NEDD4L: variants seen among roughly 807,000 people sequenced by gnomAD.
The protein encoded by NEDD4L is NEDD4 like E3 ubiquitin protein ligase, also known as E3 ubiquitin-protein ligase NEDD4-like.
In NEDD4L, 54 loss-of-function variants were observed where a neutral mutation model predicts 148.9. That is an observed-to-expected ratio of 0.36 (90% CI 0.29 to 0.45). The LOEUF (loss-of-function observed/expected upper bound fraction) is 0.45. NEDD4L is among the 20% of genes least tolerant of loss of function. The pLI is 1.00. For synonymous variants in NEDD4L, 433 were observed against 440.7 expected (o/e 0.98, Z 0.22); for missense variants, 856 against 1,233.8 (o/e 0.69, Z 4.59).
chr18:58,225,068 G>GA (rs1031517760), intron 2 of NEDD4L, among the ~76,000 whole-genome samples: 5 of 151,348 alleles, frequency 3.3e-5, no homozygotes, highest in African/African-American at 9.7e-5. Context: ...TCTGTGTCTG[G>GA]AAAAAAAAGT....
In NEDD4L at chr18:58,374,883, C is replaced by G. The variant is rs146848545; in HGVS notation, c.2352+1614C>G. Among the ~76,000 whole-genome samples the G allele has an allele frequency of 3.1e-3, 478 of 152,216 alleles. 5 individuals are homozygous for G. Among genetic ancestry groups the G allele is most frequent in the African/African-American group, 0.011 (455 of 41,540 alleles). On this transcript the variant is annotated intron_variant, in intron 24 of 30. Transcript: ENST00000400345. The stretch of plus-strand genomic sequence containing the variant: ...GGATTTCCTCATCCTACCTGTGGCT[C>G]CGGCTGCACCCATCTCCGCTCACCA...
At chr18:58,373,148 AT>A in intron 23 of NEDD4L, 25 bp from the exon 24 acceptor site, 6 of 1,353,494 alleles carry the variant, frequency 4.4e-6, no homozygotes, top group Non-Finnish European at 5.2e-6. Context: ...AAAATGCTGA[AT>A]TTTCACTCCT....
chr18:58,095,259 G>A (rs886561986), intron 1 of NEDD4L, among the ~76,000 whole-genome samples: 4 of 152,234 alleles, frequency 2.6e-5, no homozygotes, highest in East Asian at 1.9e-4. Context: ...CATGGAGGCA[G>A]GCAAAGAGGG....
At chr18:58,082,102 A>ATATATATATATT in intron 1 of NEDD4L, among the ~76,000 whole-genome samples, 8 of 48,822 alleles carry the variant, frequency 1.6e-4, no homozygotes, top group African/African-American at 8.9e-4. Flanking sequence ...ATATATATAT[A>ATATATATATATT]TTTTTTTTTT....
chr18:58,324,775 A>G (rs2144386143), intron 8 of NEDD4L, among the ~76,000 whole-genome samples: 1 of 152,342 alleles, frequency 6.6e-6, no homozygotes, highest in East Asian at 1.9e-4. Context: ...AGCACAATTA[A>G]TTGGCCATTA....
At chr18:58,250,370 ACT>A (rs1568476085) in intron 4 of NEDD4L, among the ~76,000 whole-genome samples, 7 of 151,990 alleles carry the variant, frequency 4.6e-5, no homozygotes, top group Non-Finnish European at 8.8e-5. Flanking sequence ...GGCTGGTCTC[ACT>A]CTCCTGACCT....
At chr18:58,220,037 CTTAAAT>C (rs1347595545) in intron 2 of NEDD4L, among the ~76,000 whole-genome samples, 1 of 152,166 alleles carries the variant, frequency 6.6e-6, no homozygotes, top group African/African-American at 2.4e-5. Flanking sequence ...AAATCTTGTT[CTTAAAT>C]TTAGTCTATT....
chr18:58,234,054 T>C (rs2920495), intron 2 of NEDD4L, among the ~76,000 whole-genome samples: 19,382 of 83,092 alleles, frequency 0.23, 1,692 homozygotes, highest in Middle Eastern at 0.3. Flanking sequence ...CTTTTCTTTC[T>C]TTCTTTCTTT....
intron 18 of NEDD4L, 140 bp from the exon 19 acceptor site, chr18:58,357,054 C>G: frequency 1.4e-6 from 1 of 716,364 alleles, no homozygotes; most frequent in Non-Finnish European, 2.3e-6. Flanking sequence ...CTCTGAAATA[C>G]TAATTTGTCT....
intron 5 of NEDD4L, among the ~76,000 whole-genome samples, chr18:58,315,181 G>T (rs541844270): frequency 1.3e-5 from 2 of 152,178 alleles, no homozygotes; most frequent in African/African-American, 4.8e-5. Context: ...TTGCTTCTCG[G>T]GTCATCTAAA....
chr18:58,164,305 A>G (rs1320913654), intron 1 of NEDD4L, among the ~76,000 whole-genome samples: 1 of 152,148 alleles, frequency 6.6e-6, no homozygotes, highest in African/African-American at 2.4e-5. Flanking sequence ...ATCATGCATG[A>G]TTGAGTTTTG....
At chr18:58,249,026 T>G in intron 4 of NEDD4L, 89 bp downstream of exon 4, 1 of 651,518 alleles carries the variant, frequency 1.5e-6, no homozygotes, top group Non-Finnish European at 2.5e-6. Context: ...AGCTCTTAAA[T>G]TTTTAATGAG....
intron 18 of NEDD4L, among the ~76,000 whole-genome samples, chr18:58,352,989 A>G (rs2044111697): frequency 1.3e-5 from 2 of 152,238 alleles, no homozygotes; most frequent in Non-Finnish European, 2.9e-5. Context: ...TCATAGACCT[A>G]GTATGATACA....
intron 5 of NEDD4L, among the ~76,000 whole-genome samples, chr18:58,262,275 C>T (rs1298407974): frequency 2.0e-5 from 3 of 152,198 alleles, no homozygotes; most frequent in Admixed American, 1.3e-4. Flanking sequence ...AAATAATCTT[C>T]GTTCACCACA....
At position 58,341,137 on chromosome 18, in the gene NEDD4L, C is replaced by A. The variant is rs1035342222; in HGVS notation, c.1225C>A (p.Arg409=). The A allele has an allele frequency of 6.2e-7, 1 of 1,612,722 alleles. No homozygotes were observed. Among genetic ancestry groups the A allele is most frequent in the Non-Finnish European group, 8.5e-7 (1 of 1,179,468 alleles). The change falls in exon 14 of 31, where the codon CGA becomes AGA. Residue 409 remains arginine (R), a synonymous_variant. Transcript: ENST00000400345. The part of the protein sequence containing the change: ...GRTYYVNHNN[R]TTTWTRPIMQ... ...CACATACTATGTCAATCATAACAAT[C>A]GAACCACAACTTGGACTCGACCTAT...
At chr18:58,246,391 A>G (rs1400796558) in intron 3 of NEDD4L, among the ~76,000 whole-genome samples, 1 of 152,230 alleles carries the variant, frequency 6.6e-6, no homozygotes, top group Admixed American at 6.5e-5. Flanking sequence ...ACATGTATGT[A>G]TATATCTTAT....
chr18:58,357,401 C>A, intron 19 of NEDD4L, 149 bp downstream of exon 19: 1 of 784,088 alleles, frequency 1.3e-6, no homozygotes, highest in Non-Finnish European at 2.3e-6. Flanking sequence ...CATCTCCTTA[C>A]TGAAGTTTCC....
intron 19 of NEDD4L, among the ~76,000 whole-genome samples, chr18:58,363,646 C>G (rs2045769902): frequency 6.6e-6 from 1 of 152,194 alleles, no homozygotes; most frequent in African/African-American, 2.4e-5. Flanking sequence ...AACTGGGGTA[C>G]TATCACTCTA....
chr18:58,334,596 A>G (rs2041474142), intron 12 of NEDD4L, among the ~76,000 whole-genome samples: 1 of 152,204 alleles, frequency 6.6e-6, no homozygotes, highest in Admixed American at 6.5e-5. Context: ...TAATGTGTTC[A>G]ATTTGATATT....
Sources: allele counts gnomAD v4.1 joint callset (sites outside exome capture counted in the v4.1 genomes callset), GRCh38; gene constraint gnomAD v4.1.1; transcripts MANE v1.5; gene names NCBI Gene and HGNC (gene_info 2026-07-23, HGNC 2026-07-21).